Variants in N4BP2L2 observed in about 807,000 individuals in gnomAD.
N4BP2L2 encodes NEDD4 binding protein 2 like 2, also known as NEDD4-binding protein 2-like 2.
Under a neutral mutation model 56.2 loss-of-function variants are expected in N4BP2L2, and 50 were observed. The observed-to-expected ratio is 0.89, with a 90% CI of 0.71 to 1.13. The LOEUF is 1.13. Ranked by LOEUF, N4BP2L2 falls within the 50% of genes most tolerant of loss-of-function variation. The pLI is 0.00. For missense variants in N4BP2L2, 689 were observed against 693.8 expected, an observed-to-expected ratio of 0.99 and a Z score of 0.08; for synonymous variants, 203 against 223.6, an observed-to-expected ratio of 0.91 and a Z score of 0.82.
At chr13:32,469,598 G>A (rs1043111091) in intron 6 of N4BP2L2, among the ~76,000 whole-genome samples, 7 of 152,198 alleles carry the variant, frequency 4.6e-5, no homozygotes, top group Non-Finnish European at 2.9e-5. Context: ...CTGAGTTGTG[G>A]GAGTTAGGCA....
intron 5 of N4BP2L2, among the ~76,000 whole-genome samples, chr13:32,519,425 G>A (rs1188665539): frequency 6.6e-6 from 1 of 152,056 alleles, no homozygotes; most frequent in Admixed American, 6.6e-5. Flanking sequence ...GGAGGCCAAG[G>A]TGGGTGGATT....
At chr13:32,471,456 G>A (rs150343450) in intron 6 of N4BP2L2, among the ~76,000 whole-genome samples, 30 of 152,348 alleles carry the variant, frequency 2.0e-4, no homozygotes, top group African/African-American at 6.7e-4. Context: ...AGTATTGTTT[G>A]AGAAAGGTAT....
At chr13:32,459,916 G>A (rs566996497) in intron 6 of N4BP2L2, among the ~76,000 whole-genome samples, 8 of 152,060 alleles carry the variant, frequency 5.3e-5, no homozygotes, top group African/African-American at 1.7e-4. Flanking sequence ...AGCAGAATAT[G>A]AACAAATGGA....
At chr13:32,523,683 CAA>C (rs56815965) in intron 3 of N4BP2L2, 19 of 68,956 alleles carry the variant, frequency 2.8e-4, no homozygotes, top group East Asian at 4.8e-4. Context: ...GACTCCGTCT[CAA>C]AAAAAAAAAA....
chr13:32,509,225 A>G (rs1490999617), downstream of N4BP2L2: 1 of 152,206 alleles, frequency 6.6e-6, no homozygotes, highest in Admixed American at 6.5e-5. Flanking sequence ...AAAATCCTGA[A>G]CTTTTTGAGC....
At chr13:32,479,249 A>G (rs1404957668) in intron 6 of N4BP2L2, among the ~76,000 whole-genome samples, 2 of 151,694 alleles carry the variant, frequency 1.3e-5, no homozygotes, top group Non-Finnish European at 2.9e-5. Context: ...ATGTTTTCAT[A>G]TCTTGAAGTA....
intron 6 of N4BP2L2, among the ~76,000 whole-genome samples, chr13:32,469,475 C>T (rs1383687492): frequency 6.6e-6 from 1 of 152,152 alleles, no homozygotes; most frequent in Non-Finnish European, 1.5e-5. Flanking sequence ...CTGTGGGATG[C>T]AGCGCAGGGA....
chr13:32,441,542 G>C (rs1176165725), intron 7 of N4BP2L2, among the ~76,000 whole-genome samples: 1 of 151,410 alleles, frequency 6.6e-6, no homozygotes, highest in Non-Finnish European at 1.5e-5. Flanking sequence ...AAATTAGCTG[G>C]GTATGGTGGC....
downstream of N4BP2L2, chr13:32,507,159 C>T (rs1292556878): frequency 1.3e-5 from 2 of 152,122 alleles, no homozygotes; most frequent in Non-Finnish European, 2.9e-5. Context: ...AGAAGACTCT[C>T]AACTTTCTAG....
exon 6 of N4BP2L2, chr13:32,513,024 T>A (rs1483859908): frequency 6.7e-6 from 1 of 149,870 alleles, no homozygotes; most frequent in African/African-American, 2.5e-5. Context: ...AGAGCGAGAC[T>A]CCGTCTCAAA....
At chr13:32,536,026 G>A in exon 2 of N4BP2L2, 1 of 1,613,884 alleles carries the variant, frequency 6.2e-7, no homozygotes, top group South Asian at 1.1e-5. Context: ...TATATTCATT[G>A]TTCTGATCAA....
chr13:32,434,220 G>C (rs1361379962), intron 9 of N4BP2L2, among the ~76,000 whole-genome samples: 2 of 148,652 alleles, frequency 1.3e-5, no homozygotes, highest in Non-Finnish European at 3.0e-5. Flanking sequence ...TGGATTACAG[G>C]TGTGTGCCAC....
chr13:32,436,416 TAATTAA>T lies in N4BP2L2; in HGVS notation c.2191-17_2191-12del, dbSNP rs199915730. On this transcript the variant is annotated splice_polypyrimidine_tract_variant and intron_variant, in intron 8 of 9. Coordinates refer to the N4BP2L2 transcript ENST00000357505. ...CTTCTTCTGTCTTTTCTAGAAATTA[TAATTAA>T]AATACATAAAATATTAATATTTGGC... 8.8e-4 allele frequency: 986 copies of T among 1,120,164 alleles called. 7 individuals are homozygous for T. The African/African-American group carries it at 0.013, about 15-fold the overall frequency. 69.4% of individuals were successfully genotyped at this position (1,120,164 alleles called of 1,614,324 possible).
At position 32,444,241 on chromosome 13, in the gene N4BP2L2, T is replaced by G. The variant is rs1239040441; in HGVS notation, c.366-115A>C. The G allele has an allele frequency of 5.6e-6, 4 of 718,086 alleles. No homozygotes were observed. In the East Asian group the frequency reaches 1.2e-4, roughly 22 times the overall value. 44.5% of individuals were successfully genotyped at this position (718,086 alleles called of 1,614,324 possible). The stretch of plus-strand genomic sequence containing the variant: ...TAAAAACCTTTAGTACAAGAGACTC[T>G]CAAGTGTGCACGTACTTTTTCTTTG... On this transcript the variant is annotated intron_variant, in intron 6 of 9. Coordinates refer to the N4BP2L2 transcript ENST00000357505.
At chr13:32,513,942 A>T (rs1276034194) in exon 6 of N4BP2L2, 1 of 152,206 alleles carries the variant, frequency 6.6e-6, no homozygotes, top group East Asian at 1.9e-4. Flanking sequence ...TTAGAAAACC[A>T]GTCTCAGAAA....
chr13:32,446,559 T>C, intron 6 of N4BP2L2: 1 of 1,273,628 alleles, frequency 7.9e-7, no homozygotes, highest in Non-Finnish European at 1.0e-6. Flanking sequence ...AAAATACTAA[T>C]GACGTAAGAG....
At chr13:32,537,821 C>T (rs2140380457) in intron 1 of N4BP2L2, among the ~76,000 whole-genome samples, 1 of 152,240 alleles carries the variant, frequency 6.6e-6, no homozygotes, top group East Asian at 1.9e-4. Context: ...GCCTGTAATC[C>T]CAGCACTTGG....
chr13:32,487,619 C>A (rs2086175511), intron 6 of N4BP2L2, among the ~76,000 whole-genome samples: 1 of 151,896 alleles, frequency 6.6e-6, no homozygotes, highest in African/African-American at 2.4e-5. Context: ...TTGCAGTGAG[C>A]CAAGATCGCG....
At chr13:32,442,364 T>C in intron 7 of N4BP2L2, 1 of 1,521,250 alleles carries the variant, frequency 6.6e-7, no homozygotes, top group Non-Finnish European at 8.8e-7. Context: ...GATCTTTTAC[T>C]TTTAGCAAAA....
Sources: allele counts gnomAD v4.1 joint callset (sites outside exome capture counted in the v4.1 genomes callset), GRCh38; gene constraint gnomAD v4.1.1; transcripts MANE v1.5; gene names NCBI Gene and HGNC (gene_info 2026-07-23, HGNC 2026-07-21).